The following PCDH15 variants were observed in gnomAD, a reference collection of about 807,000 sequenced individuals.
PCDH15 encodes protocadherin related 15, also known as protocadherin-15.
Under a neutral mutation model 178.5 loss-of-function variants are expected in PCDH15, and 129 were observed. The observed-to-expected ratio is 0.72, with a 90% CI of 0.63 to 0.84. The LOEUF (loss-of-function observed/expected upper bound fraction) is 0.84, where lower values mean the gene tolerates loss of function less well. Ranked by LOEUF, PCDH15 falls within the 40% of genes least tolerant of loss-of-function variation. The pLI, the probability that PCDH15 is intolerant of heterozygous loss-of-function variation, is 0.00. For missense variants in PCDH15, 2,230 were observed against 2,099.9 expected (o/e 1.06, Z -1.21); for synonymous variants, 800 against 732.0 (o/e 1.09, Z -1.50).
intron 14 of PCDH15, among the ~76,000 whole-genome samples, chr10:54,134,350 C>CA (rs2133079429): frequency 1.1e-5 from 1 of 88,206 alleles, no homozygotes; most frequent in South Asian, 5.1e-4. Flanking sequence ...CCTAGAATCT[C>CA]CTTAAAGTAG....
At chr10:55,492,423 T>C (rs1322695891) in intron 2 of PCDH15, among the ~76,000 whole-genome samples, 1 of 151,666 alleles carries the variant, frequency 6.6e-6, no homozygotes, top group Non-Finnish European at 1.5e-5. Flanking sequence ...AAGCATTTAT[T>C]AGTCAAAGAT....
At chr10:55,571,053 A>AG (rs1227477088) in intron 2 of PCDH15, among the ~76,000 whole-genome samples, 2 of 152,066 alleles carry the variant, frequency 1.3e-5, no homozygotes, top group Non-Finnish European at 1.5e-5. Flanking sequence ...GGTCCGTTGA[A>AG]GGTGGGTCCT....
rs149772687 is a variant in PCDH15, at chr10:53,821,997, G to T, written c.4368-1767C>A. 1.9e-6 allele frequency: 3 copies of T among 1,613,854 alleles called. No homozygotes were observed. In the African/African-American group the frequency reaches 4.0e-5, roughly 22 times the overall value. Reference sequence around the variant, plus strand: ...CATAGTTTGAAGTTCTGAAACATTTGTGCGTAGATAGTTTTTTTCTATTTG... The same window carrying T: ...CATAGTTTGAAGTTCTGAAACATTTTTGCGTAGATAGTTTTTTTCTATTTG... On this transcript the variant is annotated intron_variant, in intron 32 of 37. Transcript: ENST00000644397.
At chr10:55,021,166 A>G (rs1241762723) in intron 2 of PCDH15, among the ~76,000 whole-genome samples, 1 of 152,134 alleles carries the variant, frequency 6.6e-6, no homozygotes, top group East Asian at 1.9e-4. Context: ...TTGATTGACA[A>G]TTTCAACATT....
chr10:54,835,905 TAAAC>T (rs1591730940), intron 3 of PCDH15, among the ~76,000 whole-genome samples: 2 of 152,142 alleles, frequency 1.3e-5, no homozygotes, highest in African/African-American at 4.8e-5. Context: ...TCCCAAAATA[TAAAC>T]AAACAGACAT....
intron 3 of PCDH15, among the ~76,000 whole-genome samples, chr10:54,839,811 C>T (rs1273017666): frequency 3.3e-5 from 5 of 151,722 alleles, no homozygotes; most frequent in Admixed American, 6.6e-5. Flanking sequence ...AGGTTATCAG[C>T]GTATTTCTCA....
At chr10:54,731,039 A>G (rs1484282145) in intron 1 of PCDH15, among the ~76,000 whole-genome samples, 2 of 151,494 alleles carry the variant, frequency 1.3e-5, no homozygotes, top group Non-Finnish European at 3.0e-5. Flanking sequence ...ACCAGAATAT[A>G]TAAGGAGCTC....
At chr10:53,937,382 T>C (rs1211410927) in intron 25 of PCDH15, among the ~76,000 whole-genome samples, 2 of 152,212 alleles carry the variant, frequency 1.3e-5, no homozygotes, top group East Asian at 3.9e-4. Context: ...ATAGGTTACA[T>C]TATATAATTT....
chr10:54,827,441 G>T (rs1953150705), intron 3 of PCDH15, among the ~76,000 whole-genome samples: 2 of 151,976 alleles, frequency 1.3e-5, no homozygotes, highest in Non-Finnish European at 2.9e-5. Context: ...ATTTTTATTA[G>T]CCTCCTGAGC....
At chr10:55,066,628 T>A (rs562786768) in intron 2 of PCDH15, among the ~76,000 whole-genome samples, 1 of 149,256 alleles carries the variant, frequency 6.7e-6, no homozygotes, top group Non-Finnish European at 1.5e-5. Flanking sequence ...CAAAGGTAAC[T>A]TTTTTTTTAA....
chr10:54,422,527 C>T (rs1331463754), intron 3 of PCDH15, among the ~76,000 whole-genome samples: 4 of 152,104 alleles, frequency 2.6e-5, no homozygotes, highest in South Asian at 2.1e-4. Flanking sequence ...ATCGGCACTA[C>T]GACATTTTGG....
intron 3 of PCDH15, 152 bp downstream of exon 3, chr10:54,527,660 C>T: frequency 2.2e-6 from 1 of 455,804 alleles, no homozygotes; most frequent in Non-Finnish European, 3.9e-6. Context: ...TTTCCAGAGA[C>T]TGGCATAATT....
intron 2 of PCDH15, among the ~76,000 whole-genome samples, chr10:55,001,146 C>T (rs1322542797): frequency 6.6e-6 from 1 of 152,156 alleles, no homozygotes; most frequent in Non-Finnish European, 1.5e-5. Flanking sequence ...GGTCTCCTCT[C>T]TGCTGAGAGC....
chr10:53,962,207 A>G (rs923359321), intron 21 of PCDH15, among the ~76,000 whole-genome samples: 3 of 152,186 alleles, frequency 2.0e-5, no homozygotes, highest in African/African-American at 7.2e-5. Context: ...AAAACACCCA[A>G]TATCTCCTTT....
chr10:55,403,170 T>A (rs145312188), intron 2 of PCDH15, among the ~76,000 whole-genome samples: 1 of 152,038 alleles, frequency 6.6e-6, no homozygotes, highest in Admixed American at 6.6e-5. Context: ...ATTCAGATTC[T>A]TTGCCTAGTT....
chr10:55,107,954 GT>G (rs1336420892), intron 2 of PCDH15, among the ~76,000 whole-genome samples: 1 of 152,056 alleles, frequency 6.6e-6, no homozygotes, highest in East Asian at 1.9e-4. Flanking sequence ...GTGATGGTGC[GT>G]TTGGAGATGA....
At chr10:54,343,506 G>T (rs1942648796) in intron 6 of PCDH15, among the ~76,000 whole-genome samples, 1 of 152,070 alleles carries the variant, frequency 6.6e-6, no homozygotes, top group Non-Finnish European at 1.5e-5. Flanking sequence ...GTGTGAAAAT[G>T]CACACTACTG....
At chr10:54,495,035 T>A (rs2079983413) in intron 3 of PCDH15, among the ~76,000 whole-genome samples, 1 of 152,120 alleles carries the variant, frequency 6.6e-6, no homozygotes, top group Non-Finnish European at 1.5e-5. Flanking sequence ...TTGATACAGA[T>A]AATATTTTGT....
Position 53,808,737 on chromosome 10 carries a change from C to CT in PCDH15, c.4672-1608dup, listed in dbSNP as rs778143049. On this transcript the variant is annotated intron_variant, in intron 37 of 37. Coordinates refer to ENST00000644397, the MANE Select transcript of PCDH15 (RefSeq NM_001384140.1). Reference sequence around the variant, plus strand: ...CTTCAGAGTTTGCTCCTGGCGACTTCTTTTGGTTTGCATTCTTGCTTCTGT... The same window carrying CT: ...CTTCAGAGTTTGCTCCTGGCGACTTCTTTTTGGTTTGCATTCTTGCTTCTGT... 9.9e-6 allele frequency: 16 copies of CT among 1,613,028 alleles called. 1 individual carries two copies. In the African/African-American group the frequency reaches 2.0e-4, roughly 20 times the overall value.
Sources: gnomAD v4.1 joint callset for allele counts (sites outside exome capture counted in the v4.1 genomes callset) on GRCh38, gnomAD v4.1.1 for gene constraint, MANE v1.5 for transcripts, NCBI Gene and HGNC (gene_info 2026-07-23, HGNC 2026-07-21) for gene names.